NAMPT: variants seen among roughly 807,000 people sequenced by gnomAD.
NAMPT encodes the protein nicotinamide phosphoribosyltransferase, also known as NAmPRTase.
Under a neutral mutation model 58.7 loss-of-function variants are expected in NAMPT, and 7 were observed. The ratio of observed to expected loss-of-function variants is 0.12; its 90% CI spans 0.07 to 0.22. NAMPT has a LOEUF of 0.22. Ranked by LOEUF, NAMPT falls within the 10% of genes least tolerant of loss-of-function variation. The probability of loss-of-function intolerance (pLI) is 1.00; values close to 1 mark genes in which losing one functional copy is unlikely to be tolerated. For missense variants in NAMPT, 271 were observed against 567.9 expected (o/e 0.48, Z 5.31); for synonymous variants, 145 against 198.1 (o/e 0.73, Z 2.25).
intron 4 of NAMPT, among the ~76,000 whole-genome samples, chr7:106,271,249 C>A (rs1254534382): frequency 6.6e-6 from 1 of 152,118 alleles, no homozygotes; most frequent in Non-Finnish European, 1.5e-5. Context: ...ATGCTGCAGT[C>A]CCCATAGGAC....
intron 4 of NAMPT, among the ~76,000 whole-genome samples, chr7:106,271,178 G>C (rs948287142): frequency 6.6e-6 from 1 of 151,978 alleles, no homozygotes; most frequent in Non-Finnish European, 1.5e-5. Context: ...GATTCATACA[G>C]AATTTGAGAA....
chr7:106,283,523 C>T (rs1792804946), intron 1 of NAMPT, among the ~76,000 whole-genome samples: 2 of 152,048 alleles, frequency 1.3e-5, no homozygotes, highest in South Asian at 4.1e-4. Flanking sequence ...TCTAAAATCA[C>T]TATTTAAAAT....
intron 7 of NAMPT, chr7:106,263,163 T>C (rs1002691437): frequency 4.1e-6 from 2 of 486,356 alleles, no homozygotes; most frequent in African/African-American, 3.9e-5. Context: ...AAACAAAATA[T>C]CTATTCAAAT....
At chr7:106,284,791 C>T in intron 1 of NAMPT, 37 bp downstream of exon 1, 5 of 1,459,158 alleles carry the variant, frequency 3.4e-6, no homozygotes, top group Non-Finnish European at 4.6e-6. Flanking sequence ...CCCAGCGCGC[C>T]CCGCTCCTCC....
chr7:106,273,332 T>C (rs758969891), intron 3 of NAMPT, among the ~76,000 whole-genome samples: 1 of 152,218 alleles, frequency 6.6e-6, no homozygotes, highest in Non-Finnish European at 1.5e-5. Flanking sequence ...ACCTCCCTTT[T>C]AAAGCTAAGA....
At chr7:106,273,034 C>T (rs1487732892) in intron 3 of NAMPT, among the ~76,000 whole-genome samples, 1 of 152,096 alleles carries the variant, frequency 6.6e-6, no homozygotes, top group Admixed American at 6.5e-5. Flanking sequence ...AGAACACTAC[C>T]TTTATTCTAA....
chr7:106,280,342 G>A (rs1012890476), intron 1 of NAMPT, among the ~76,000 whole-genome samples: 2 of 152,070 alleles, frequency 1.3e-5, no homozygotes, highest in Admixed American at 6.5e-5. Context: ...ATAGAGATGG[G>A]GAAGGCTATC....
chr7:106,263,699 T>C, intron 6 of NAMPT, 82 bp from the exon 7 acceptor site: 2 of 1,054,436 alleles, frequency 1.9e-6, no homozygotes, highest in South Asian at 2.7e-5. Flanking sequence ...TATCTCATGT[T>C]TACTATACCA....
At chr7:106,280,756 A>T (rs988617673) in intron 1 of NAMPT, among the ~76,000 whole-genome samples, 4 of 152,068 alleles carry the variant, frequency 2.6e-5, no homozygotes, top group African/African-American at 9.7e-5. Flanking sequence ...CCTGGCTAAC[A>T]TGGTGAAACC....
intron 1 of NAMPT, 196 bp downstream of exon 1, chr7:106,284,632 G>T: frequency 2.1e-6 from 1 of 474,096 alleles, no homozygotes; most frequent in Non-Finnish European, 2.9e-6. Context: ...TCCTCCTCAA[G>T]CCACCTCCTG....
At chr7:106,256,014 GTTTTAAAA>G (rs950250400) in intron 8 of NAMPT, among the ~76,000 whole-genome samples, 6 of 152,136 alleles carry the variant, frequency 3.9e-5, no homozygotes, top group Non-Finnish European at 8.8e-5. Context: ...TTTACCAAAA[GTTTTAAAA>G]TTTAGACAAT....
At chr7:106,268,739 C>T in intron 5 of NAMPT, 139 bp from the exon 6 acceptor site, 2 of 650,124 alleles carry the variant, frequency 3.1e-6, no homozygotes, top group Non-Finnish European at 2.7e-6. Flanking sequence ...TATTTATTGT[C>T]AGACATAACA....
Position 106,249,470 on chromosome 7 carries a change from T to TTAAG in NAMPT, c.*1609_*1612dup, listed in dbSNP as rs1792072260. ...AAATCAGTCTTCCAGTATCGGATTCTTAAGTGAGAAAAAAGAAGACAAAAG... is the reference window on the plus strand; with the variant it reads ...AAATCAGTCTTCCAGTATCGGATTCTTAAGTAAGTGAGAAAAAAGAAGACAAAAG... On this transcript the variant is annotated 3_prime_UTR_variant, in exon 11 of 11. Coordinates refer to ENST00000222553, the MANE Select transcript of NAMPT (RefSeq NM_005746.3). 3 of 152,502 alleles carry TTAAG rather than the reference T, an allele frequency of 2.0e-5. No individual in the cohort carries two copies. The highest frequency in any genetic ancestry group is 7.2e-5 in the African/African-American group (3 of 41,444). 9.4% of individuals were successfully genotyped at this position (152,502 alleles called of 1,614,324 possible).
intron 3 of NAMPT, among the ~76,000 whole-genome samples, chr7:106,273,467 G>A (rs1792576171): frequency 6.6e-6 from 1 of 152,172 alleles, no homozygotes; most frequent in Admixed American, 6.5e-5. Flanking sequence ...TGGAGGCACA[G>A]TGTATAGCAA....
chr7:106,268,370 G>C, intron 6 of NAMPT, 94 bp downstream of exon 6: 1 of 1,108,634 alleles, frequency 9.0e-7, no homozygotes, highest in Non-Finnish European at 1.3e-6. Context: ...ATGTACTGTA[G>C]GTACCTGGCT....
At chr7:106,280,285 C>G (rs1412750391) in intron 1 of NAMPT, among the ~76,000 whole-genome samples, 1 of 152,068 alleles carries the variant, frequency 6.6e-6, no homozygotes, top group Non-Finnish European at 1.5e-5. Context: ...AGAATTAATA[C>G]CTCCCACATT....
At position 106,250,264 on chromosome 7, in the gene NAMPT, TTCTC is replaced by T. The variant is rs1792084140; in HGVS notation, c.*815_*818del. 1 of 152,286 alleles carries T rather than the reference TTCTC, an allele frequency of 6.6e-6. No homozygotes were observed. The highest frequency in any genetic ancestry group is 1.5e-5 in the Non-Finnish European group (1 of 67,864). The allele number at this position is 152,286 out of a possible 1,614,324, so 9.4% of individuals were successfully genotyped here. On this transcript the variant is annotated 3_prime_UTR_variant, in exon 11 of 11. Coordinates refer to ENST00000222553, the MANE Select transcript of NAMPT (RefSeq NM_005746.3). ...ATATATTCTATAGTGGAAGCAGAAA[TTCTC>T]TCTAAAAACATTATCTCCTTAAAAT...
chr7:106,253,413 G>A (rs1425220947), intron 9 of NAMPT: 6 of 363,046 alleles, frequency 1.7e-5, no homozygotes, highest in Non-Finnish European at 3.1e-5. Flanking sequence ...CCATTTGTAG[G>A]AAGTCTGTGA....
At chr7:106,256,799 GTTTA>G (rs1339341963) in intron 8 of NAMPT, among the ~76,000 whole-genome samples, 5 of 152,166 alleles carry the variant, frequency 3.3e-5, no homozygotes, top group South Asian at 2.1e-4. Flanking sequence ...TTAAAAATGG[GTTTA>G]TTGAGACACA....
Sources: allele counts gnomAD v4.1 joint callset (sites outside exome capture counted in the v4.1 genomes callset), GRCh38; gene constraint gnomAD v4.1.1; transcripts MANE v1.5; gene names NCBI Gene and HGNC (gene_info 2026-07-23, HGNC 2026-07-21).